The following ODF2 variants were observed in gnomAD, a reference collection of about 807,000 sequenced individuals.
ODF2 encodes the protein outer dense fiber protein 2.
In ODF2, 47 loss-of-function variants were observed where a neutral mutation model predicts 110.2. The observed-to-expected ratio is 0.43, with a 90% CI of 0.34 to 0.54. ODF2 has a LOEUF of 0.54. Ranked by LOEUF, ODF2 falls within the 20% of genes least tolerant of loss-of-function variation. The probability of loss-of-function intolerance (pLI) is 0.03; values close to 1 mark genes in which losing one functional copy is unlikely to be tolerated. For missense variants in ODF2, 812 were observed against 1,054.5 expected (o/e 0.77, Z 3.19); for synonymous variants, 352 against 397.7 (o/e 0.89, Z 1.37).
Position 128,494,876 on chromosome 9 carries a change from C to A in ODF2, c.1911+208C>A. 3 of 1,449,572 alleles carry A rather than the reference C, an allele frequency of 2.1e-6. No homozygotes were observed. Among genetic ancestry groups the A allele is most frequent in the Non-Finnish European group, 2.7e-6 (3 of 1,101,934 alleles). 89.8% of individuals were successfully genotyped at this position (1,449,572 alleles called of 1,614,324 possible). A position where few individuals can be genotyped will look rare whatever the true frequency, so the allele number is the denominator to read the frequency against. ...ACAAAGTGATTGTAGTTATAGGAGC[C>A]GTCACTTGCGTGGAGTCACTGGGCC... On this transcript the variant is annotated intron_variant, in intron 17 of 20. Transcript: ENST00000604420. The surrounding 1 kb of genome is among the most constrained non-coding windows in gnomAD (Gnocchi z 4.6).
At chr9:128,497,439 AAAAAAAAATATATATATATATATAT>A (rs1589007907) in intron 18 of ODF2, 1 of 95,682 alleles carries the variant, frequency 1.0e-5, no homozygotes, top group East Asian at 3.0e-4. Context: ...AAAAAAAAAA[AAAAAAAAATATATATATATATATAT>A]ATATATATAT....
chr9:128,484,961 G>T, intron 12 of ODF2, 75 bp downstream of exon 12: 16 of 1,339,256 alleles, frequency 1.2e-5, no homozygotes, highest in Non-Finnish European at 1.6e-5. Context: ...TGGTCAGCCA[G>T]ATGGGTAGCG....
chr9:128,478,964 T>C (rs1393776132), intron 8 of ODF2, among the ~76,000 whole-genome samples: 1 of 152,148 alleles, frequency 6.6e-6, no homozygotes, highest in Non-Finnish European at 1.5e-5. Flanking sequence ...TGATAGTGCA[T>C]GGCTCTTAGA....
At chr9:128,484,556 C>A in intron 11 of ODF2, 145 bp from the exon 12 acceptor site, 1 of 818,938 alleles carries the variant, frequency 1.2e-6, no homozygotes, top group Non-Finnish European at 2.0e-6. Context: ...GGGAGCCTCT[C>A]ACACAGCTAA....
rs144949691 is a variant in ODF2 at position 128,471,426 on chromosome 9, G to A, written c.539G>A (p.Arg180Lys). ...ACTGAGCACGAGAACACGGTGTTGA[G>A]GCACAACATCGAGCGCATGAAGGAG... The change falls in exon 6 of 21, where the codon AGG becomes AAG. Residue 180 changes from arginine to lysine, a missense_variant. Physicochemically the swap from Arg to Lys is conservative, Grantham distance 26 (BLOSUM62 2). This residue lies in a region of ODF2 where 219 missense variants were observed against 321.3 expected (regional missense o/e 0.68). Coordinates refer to ENST00000604420, the Ensembl canonical transcript of ODF2. 1.6e-3 allele frequency: 2,545 copies of A among 1,613,508 alleles called. 5 individuals carry two copies. Among genetic ancestry groups the A allele is most frequent in the South Asian group, 1.7e-3 (154 of 90,952 alleles).
chr9:128,474,164 G>C (rs183316859), intron 8 of ODF2, among the ~76,000 whole-genome samples: 1 of 152,142 alleles, frequency 6.6e-6, no homozygotes, highest in Non-Finnish European at 1.5e-5. Flanking sequence ...TTCGAGAACA[G>C]CCTGGCCAAC....
chr9:128,458,651 G>C lies in ODF2; in HGVS notation c.33-916G>C, dbSNP rs549591056. ...ATGGAGCTGTACAGTATATGTGTAA[G>C]CAAGGTGAATTAGACATGGCATTAA... On this transcript the variant is annotated intron_variant, in intron 2 of 20. Coordinates refer to ENST00000604420, the Ensembl canonical transcript of ODF2. 4.7e-5 allele frequency among the ~76,000 whole-genome samples: 7 copies of C among 149,950 alleles called. 1 individual carries two copies. In the East Asian group the frequency reaches 1.2e-3, roughly 25 times the overall value.
chr9:128,473,565 T>G (rs769881735), intron 7 of ODF2, 45 bp from the exon 8 acceptor site: 10 of 1,608,570 alleles, frequency 6.2e-6, no homozygotes, highest in Non-Finnish European at 7.6e-6. Context: ...GCCTGCTTCT[T>G]CCCTTCTCCC....
At chr9:128,456,978 G>A (rs1835032216) in intron 1 of ODF2, 1 of 1,238,032 alleles carries the variant, frequency 8.1e-7, no homozygotes, top group Admixed American at 3.5e-5. Context: ...CTCCCTGCGC[G>A]GTTCTGGCCC....
intron 6 of ODF2, 76 bp from the exon 7 acceptor site, chr9:128,472,837 C>G: frequency 6.3e-7 from 1 of 1,599,546 alleles, no homozygotes; most frequent in South Asian, 1.1e-5. Flanking sequence ...CCCCCTAGGG[C>G]ATTGTGAGGC....
At position 128,494,039 on chromosome 9, in the gene ODF2, C is replaced by T. The variant is rs1283198440; in HGVS notation, c.1753-471C>T. Reference sequence around the variant, plus strand: ...CGAACTCCTGACCTCAAATAATCTGCGCCCCTTGGCTTTCCAGAGTGCTAG... The same window carrying T: ...CGAACTCCTGACCTCAAATAATCTGTGCCCCTTGGCTTTCCAGAGTGCTAG... On this transcript the variant is annotated intron_variant, in intron 16 of 20. Transcript: ENST00000604420. The surrounding 1 kb of genome is among the most constrained non-coding windows in gnomAD (Gnocchi z 4.6). 2.6e-5 allele frequency among the ~76,000 whole-genome samples: 2 copies of T among 75,854 alleles called. No homozygotes were observed. The highest frequency in any genetic ancestry group is 5.0e-5 in the Non-Finnish European group (2 of 39,820). 49.8% of individuals were successfully genotyped at this position (75,854 alleles called of 152,430 possible).
In ODF2 at chr9:128,484,671, CCT is replaced by C. The variant is rs758750457; in HGVS notation, c.1105-25_1105-24del. ...CCACAACCTCCTTGTCTCTCTTCTC[CCT>C]CTCTTTCTCACCCCTTCCCCCTTCC... On this transcript the variant is annotated intron_variant, in intron 11 of 20. Coordinates refer to ENST00000604420, the Ensembl canonical transcript of ODF2. 1.6e-5 allele frequency: 25 copies of C among 1,550,948 alleles called. No homozygotes were observed. The East Asian group carries it at 5.6e-4, about 35-fold the overall frequency.
At chr9:128,498,481 T>C (rs1254108443) in exon 19 of ODF2, 1 of 1,613,510 alleles carries the variant, frequency 6.2e-7, no homozygotes, top group Non-Finnish European at 8.5e-7. Context: ...GAGGAGGCAA[T>C]CCACCAGTCC....
chr9:128,459,421 A>G, intron 2 of ODF2, 146 bp from the exon 2 acceptor site: 1 of 629,812 alleles, frequency 1.6e-6, no homozygotes, highest in East Asian at 2.8e-5. Context: ...TCTGGTGCTC[A>G]TCTCAGGGGA....
chr9:128,473,681 C>T (rs753272393), exon 8 of ODF2: 3 of 1,613,894 alleles, frequency 1.9e-6, no homozygotes, highest in Non-Finnish European at 1.7e-6. Flanking sequence ...AGAAGCTGAG[C>T]ACATTTGAGG....
intron 8 of ODF2, among the ~76,000 whole-genome samples, chr9:128,479,359 G>A (rs111904023): frequency 2.6e-5 from 4 of 152,336 alleles, no homozygotes; most frequent in African/African-American, 9.6e-5. Context: ...GGAGCAGGAA[G>A]TTCAGGCAAG....
chr9:128,496,142 G>A lies in ODF2; in HGVS notation c.2012+1G>A. 1 of 1,613,832 alleles carries A rather than the reference G, an allele frequency of 6.2e-7. No homozygotes were observed. Among genetic ancestry groups the A allele is most frequent in the East Asian group, 2.2e-5 (1 of 44,850 alleles). ...GTCTGAAGGTGGATGAACTGGAGAG[G>A]TTAGAGGCACTTGGTCCCATCTCTG... On this transcript the variant is annotated splice_donor_variant, in intron 18 of 20. Coordinates refer to ENST00000604420, the Ensembl canonical transcript of ODF2. LOFTEE classifies it high-confidence loss of function.
chr9:128,455,315 G>T (rs1446899401), upstream of ODF2: 26 of 1,221,948 alleles, frequency 2.1e-5, no homozygotes, highest in South Asian at 5.3e-5. Flanking sequence ...ACTTTGGAAG[G>T]CCGAGGCGGG....
intron 11 of ODF2, among the ~76,000 whole-genome samples, 172 bp from the exon 12 acceptor site, chr9:128,484,529 T>A (rs1362354724): frequency 6.6e-6 from 1 of 152,148 alleles, no homozygotes; most frequent in African/African-American, 2.4e-5. Context: ...AGGGACTGTG[T>A]CTCTGGTCCG....
Sources: gnomAD v4.1 joint callset for allele counts (sites outside exome capture counted in the v4.1 genomes callset) on GRCh38, gnomAD v4.1.1 for gene constraint, gnomAD v4.1.1 regional missense constraint, Gnocchi (gnomAD v3.1) non-coding constraint, MANE v1.5 for transcripts, NCBI Gene and HGNC (gene_info 2026-07-23, HGNC 2026-07-21) for gene names.